The following CLSTN2 variants were observed in gnomAD, a reference collection of about 807,000 sequenced individuals.
CLSTN2 encodes the protein calsyntenin-2.
CLSTN2 carries 48 observed loss-of-function variants against 101.2 expected under a neutral mutation model. That is an observed-to-expected ratio of 0.47 (90% confidence interval 0.38 to 0.60). The LOEUF (loss-of-function observed/expected upper bound fraction) is 0.60. Ranked by LOEUF, CLSTN2 falls within the 20% of genes least tolerant of loss-of-function variation. The pLI is 0.00. For synonymous variants in CLSTN2, 481 were observed against 463.6 expected, an observed-to-expected ratio of 1.04 and a Z score of -0.48; for missense variants, 1,160 against 1,238.2, an observed-to-expected ratio of 0.94 and a Z score of 0.95.
intron 1 of CLSTN2, among the ~76,000 whole-genome samples, chr3:140,135,117 C>CACATATATATAT (rs1488268767): frequency 2.2e-4 from 13 of 58,112 alleles, no homozygotes; most frequent in African/African-American, 6.9e-4. Context: ...CACACACACA[C>CACATATATATAT]ATATATATAT....
intron 2 of CLSTN2, among the ~76,000 whole-genome samples, chr3:140,276,775 A>T (rs931337746): frequency 2.0e-5 from 3 of 152,224 alleles, no homozygotes; most frequent in African/African-American, 7.2e-5. Context: ...AGTATCACAT[A>T]GAACGTGTAT....
intron 2 of CLSTN2, among the ~76,000 whole-genome samples, chr3:140,317,748 A>G (rs1346227736): frequency 6.6e-6 from 1 of 152,200 alleles, no homozygotes; most frequent in Admixed American, 6.5e-5. Context: ...TTAAAGATGT[A>G]ACTGTTTTCT....
intron 1 of CLSTN2, among the ~76,000 whole-genome samples, chr3:139,961,379 T>A (rs1485089311): frequency 6.6e-6 from 1 of 152,164 alleles, no homozygotes; most frequent in East Asian, 1.9e-4. Context: ...TCCTAGGTAT[T>A]GTGGCAAGGT....
chr3:140,332,438 G>A (rs2087393002), intron 2 of CLSTN2, among the ~76,000 whole-genome samples: 1 of 152,180 alleles, frequency 6.6e-6, no homozygotes, highest in Non-Finnish European at 1.5e-5. Flanking sequence ...TTCAGCAAGG[G>A]CTTTGTTCTT....
At chr3:140,334,646 C>T (rs548058057) in intron 2 of CLSTN2, among the ~76,000 whole-genome samples, 1 of 152,340 alleles carries the variant, frequency 6.6e-6, no homozygotes, top group Non-Finnish European at 1.5e-5. Flanking sequence ...AATGAAGGGA[C>T]ATTCCTCCAT....
chr3:140,022,119 C>T (rs531970185), intron 1 of CLSTN2, among the ~76,000 whole-genome samples: 2 of 152,274 alleles, frequency 1.3e-5, no homozygotes, highest in South Asian at 4.1e-4. Context: ...GGGGAGTGGC[C>T]TTGGCTGGGG....
At chr3:140,141,595 C>G (rs1313878552) in intron 1 of CLSTN2, among the ~76,000 whole-genome samples, 1 of 152,226 alleles carries the variant, frequency 6.6e-6, no homozygotes, top group Admixed American at 6.5e-5. Context: ...CTGCTAACAA[C>G]AAAATCTGCC....
intron 1 of CLSTN2, among the ~76,000 whole-genome samples, chr3:140,149,980 GA>G (rs1375105235): frequency 6.6e-6 from 1 of 152,138 alleles, no homozygotes; most frequent in Non-Finnish European, 1.5e-5. Context: ...GCAGGGAGAG[GA>G]GAGTGAGGAT....
chr3:140,396,038 C>A (rs2088179138), intron 2 of CLSTN2, among the ~76,000 whole-genome samples: 2 of 152,182 alleles, frequency 1.3e-5, no homozygotes, highest in Admixed American at 6.5e-5. Flanking sequence ...TTCAGTGTTT[C>A]TCAAAAGAAC....
At chr3:139,980,459 G>C (rs905237177) in intron 1 of CLSTN2, among the ~76,000 whole-genome samples, 4 of 151,914 alleles carry the variant, frequency 2.6e-5, no homozygotes, top group African/African-American at 7.3e-5. Context: ...ATGGAAAATG[G>C]TTCCATAGAA....
intron 5 of CLSTN2, among the ~76,000 whole-genome samples, chr3:140,425,160 G>A (rs1383800844): frequency 6.6e-6 from 1 of 152,188 alleles, no homozygotes; most frequent in Admixed American, 6.5e-5. Context: ...TTACACGCAA[G>A]AGCTCCCACC....
chr3:140,018,340 A>C (rs1185866657), intron 1 of CLSTN2, among the ~76,000 whole-genome samples: 1 of 152,230 alleles, frequency 6.6e-6, no homozygotes, highest in Non-Finnish European at 1.5e-5. Context: ...CCATAACTCC[A>C]GCAGCAGCAA....
intron 5 of CLSTN2, among the ~76,000 whole-genome samples, chr3:140,422,983 C>T (rs2088522388): frequency 6.6e-6 from 1 of 152,142 alleles, no homozygotes; most frequent in South Asian, 2.1e-4. Flanking sequence ...AACGTGTGGC[C>T]TTTGAAGAGA....
At chr3:140,083,004 G>A (rs2107781983) in intron 1 of CLSTN2, among the ~76,000 whole-genome samples, 1 of 152,274 alleles carries the variant, frequency 6.6e-6, no homozygotes, top group Middle Eastern at 3.4e-3. Context: ...TGTTTCCGCT[G>A]CCTGAGAAAA....
rs572421830 is a variant in CLSTN2, at chr3:140,439,176, G to C, written c.788-9343G>C. 1.2e-4 allele frequency among the ~76,000 whole-genome samples: 18 copies of C among 152,354 alleles called. No individual in the cohort carries two copies. The East Asian group carries it at 3.5e-3, about 29-fold the overall frequency. On this transcript the variant is annotated intron_variant, in intron 5 of 16. Transcript: ENST00000458420. ...GGGAAGGCCAAAGCCTTCCAGGAAC[G>C]GAATGTGGTGTCTCAGAGGCCTGAG...
At chr3:140,482,020 C>T (rs964063008) in intron 8 of CLSTN2, among the ~76,000 whole-genome samples, 162 of 152,150 alleles carry the variant, frequency 1.1e-3, no homozygotes, top group African/African-American at 3.8e-3. Flanking sequence ...CATCCCTGTC[C>T]TGTGCCAGTT....
chr3:140,466,740 C>T lies in CLSTN2; in HGVS notation c.1344+9C>T, dbSNP rs755430005. 13 of 1,613,666 alleles carry T rather than the reference C, an allele frequency of 8.1e-6. No homozygotes were observed. Among genetic ancestry groups the T allele is most frequent in the Middle Eastern group, 1.7e-4 (1 of 5,898 alleles). ...ACTGGAAGCTGGATCAGGTATGGTG[C>T]TCACCTCACACCTGCTGCTACTCAT... On this transcript the variant is annotated intron_variant, in intron 8 of 16. Transcript: ENST00000458420.
Position 140,538,293 on chromosome 3 carries a change from T to C in CLSTN2, c.1507+5807T>C, listed in dbSNP as rs576677717. ...CTAGTCTTAGATAAGGAAGCCTTTC[T>C]ACCCTGGATCCTGGTCTTGCTGAAT... is the stretch of plus-strand genomic sequence containing the variant. On this transcript the variant is annotated intron_variant, in intron 9 of 16. Coordinates refer to ENST00000458420, the MANE Select transcript of CLSTN2 (RefSeq NM_022131.3). Among the ~76,000 whole-genome samples, 4 of 152,334 alleles carry C rather than the reference T, an allele frequency of 2.6e-5. No homozygotes were observed. In the South Asian group the frequency reaches 8.3e-4, roughly 32 times the overall value.
rs965608585 is a variant in CLSTN2, at chr3:140,255,949, C to T, written c.232+79876C>T. Among the ~76,000 whole-genome samples the T allele has an allele frequency of 5.9e-5, 9 of 152,220 alleles. No homozygotes were observed. In the South Asian group the frequency reaches 1.9e-3, roughly 32 times the overall value. On this transcript the variant is annotated intron_variant, in intron 2 of 16. Transcript: ENST00000458420. Reference sequence around the variant, plus strand: ...AAATTATTGGCTCTATCTACATAACCCAGGACATTTTGGAATACTACGATC... The same window carrying T: ...AAATTATTGGCTCTATCTACATAACTCAGGACATTTTGGAATACTACGATC...
Sources: allele counts gnomAD v4.1 joint callset (sites outside exome capture counted in the v4.1 genomes callset), GRCh38; gene constraint gnomAD v4.1.1; transcripts MANE v1.5; gene names NCBI Gene and HGNC (gene_info 2026-07-23, HGNC 2026-07-21).